Variants in TTC7B observed in about 807,000 individuals in gnomAD.
TTC7B encodes the protein tetratricopeptide repeat domain 7B.
A neutral mutation model predicts 106.8 loss-of-function variants in TTC7B; 28 were observed. The ratio of observed to expected loss-of-function variants is 0.26; its 90% CI spans 0.19 to 0.36. The LOEUF (loss-of-function observed/expected upper bound fraction) is 0.36. Ranked by LOEUF, TTC7B falls within the 10% of genes least tolerant of loss-of-function variation. TTC7B has a pLI of 1.00. For missense variants in TTC7B, 862 were observed against 1,076.4 expected (o/e 0.80, Z 2.79); for synonymous variants, 405 against 430.6 (o/e 0.94, Z 0.74).
rs1726790729 is a variant in TTC7B, at chr14:90,561,741, TG to T, written c.2310+16364del. On this transcript the variant is annotated intron_variant, in intron 19 of 19. Transcript: ENST00000328459. ...AGAGTGATTTTGCTGAGACCCTTCCTGTGCACGGTGGCTTGGTGGACATCAT... is the reference window on the plus strand; with the variant it reads ...AGAGTGATTTTGCTGAGACCCTTCCTTGCACGGTGGCTTGGTGGACATCAT... Among the ~76,000 whole-genome samples the T allele has an allele frequency of 3.9e-5, 6 of 152,302 alleles. No homozygotes were observed. In the South Asian group the frequency reaches 1.2e-3, roughly 32 times the overall value.
intron 6 of TTC7B, among the ~76,000 whole-genome samples, chr14:90,693,916 G>A (rs1185583043): frequency 6.6e-6 from 1 of 152,164 alleles, no homozygotes; most frequent in Non-Finnish European, 1.5e-5. Context: ...AATGTTCGTA[G>A]CAGCATTACT....
intron 15 of TTC7B, among the ~76,000 whole-genome samples, chr14:90,626,868 C>T (rs990095643): frequency 8.5e-5 from 13 of 152,158 alleles, no homozygotes; most frequent in Admixed American, 5.2e-4. Flanking sequence ...CTCCTAAGCG[C>T]GTCTTCTCTA....
At chr14:90,621,451 C>T (rs907690529) in intron 15 of TTC7B, among the ~76,000 whole-genome samples, 15 of 139,590 alleles carry the variant, frequency 1.1e-4, no homozygotes, top group African/African-American at 3.8e-4. Context: ...TGGGTACGGC[C>T]GGGACAAGTG....
chr14:90,639,399 A>G (rs1023706803), intron 15 of TTC7B, among the ~76,000 whole-genome samples: 1 of 152,222 alleles, frequency 6.6e-6, no homozygotes, highest in African/African-American at 2.4e-5. Flanking sequence ...TACACTTCAC[A>G]AAAGAGAAAA....
intron 19 of TTC7B, among the ~76,000 whole-genome samples, chr14:90,555,208 T>A (rs1339716294): frequency 6.6e-6 from 1 of 152,152 alleles, no homozygotes; most frequent in African/African-American, 2.4e-5. Flanking sequence ...CAGCTGACCC[T>A]GGACCCCACG....
intron 9 of TTC7B, among the ~76,000 whole-genome samples, chr14:90,665,060 G>C (rs1886357714): frequency 6.6e-6 from 1 of 152,136 alleles, no homozygotes; most frequent in Non-Finnish European, 1.5e-5. Context: ...TCCAGCAGAG[G>C]GATGGCAGTG....
At chr14:90,717,167 G>A (rs1175554905) in intron 5 of TTC7B, among the ~76,000 whole-genome samples, 1 of 152,036 alleles carries the variant, frequency 6.6e-6, no homozygotes, top group Non-Finnish European at 1.5e-5. Context: ...GTGAAACCCT[G>A]TCTCTACTAA....
At chr14:90,788,143 G>A (rs943092927) in intron 1 of TTC7B, among the ~76,000 whole-genome samples, 4 of 152,138 alleles carry the variant, frequency 2.6e-5, no homozygotes, top group Non-Finnish European at 2.9e-5. Context: ...CAGCCTGGGC[G>A]ACAGAGTGGG....
In TTC7B at chr14:90,805,736, A is replaced by C. The variant is rs974732623; in HGVS notation, c.121+10439T>G. Among the ~76,000 whole-genome samples the C allele has an allele frequency of 2.0e-5, 3 of 152,242 alleles. No individual in the cohort carries two copies. Among genetic ancestry groups the C allele is most frequent in the Admixed American group, 2.0e-4 (3 of 15,288 alleles). On this transcript the variant is annotated intron_variant, in intron 1 of 19. Transcript: ENST00000328459. The surrounding 1 kb of genome is among the most constrained non-coding windows in gnomAD (Gnocchi z 4.0). ...TAAAGCCTGAAGCCGAATAGAGACCACTAGTGAGACTCTCATCAAAGAGAT... is the reference window on the plus strand; with the variant it reads ...TAAAGCCTGAAGCCGAATAGAGACCCCTAGTGAGACTCTCATCAAAGAGAT...
chr14:90,580,644 C>T (rs1281589564), intron 18 of TTC7B, among the ~76,000 whole-genome samples: 1 of 152,236 alleles, frequency 6.6e-6, no homozygotes, highest in African/African-American at 2.4e-5. Flanking sequence ...GTGTCCCTGT[C>T]TCCACACTTG....
chr14:90,731,179 C>A (rs1240952192), intron 4 of TTC7B, among the ~76,000 whole-genome samples: 4 of 152,098 alleles, frequency 2.6e-5, no homozygotes, highest in African/African-American at 9.7e-5. Context: ...TCTCGATCTC[C>A]TGACCTTGTG....
Position 90,740,494 on chromosome 14 carries a change from CTTTTTT to C in TTC7B, c.576+4292_576+4297del, listed in dbSNP as rs71461924. Among the ~76,000 whole-genome samples the C allele has an allele frequency of 7.7e-5, 6 of 78,340 alleles. No homozygotes were observed. In the Admixed American group the frequency reaches 1.2e-3, roughly 16 times the overall value. The allele number at this position is 78,340 out of a possible 152,430, so 51.4% of individuals were successfully genotyped here. On this transcript the variant is annotated intron_variant, in intron 4 of 19. Transcript: ENST00000328459. ...TAAACATTCCCCTGAAATTCTTTGACTTTTTTTTTTTTTTTTTTTTTTTTTGAGATG... is the reference window on the plus strand; with the variant it reads ...TAAACATTCCCCTGAAATTCTTTGACTTTTTTTTTTTTTTTTTTTGAGATG...
At chr14:90,611,480 T>C (rs1203918420) in intron 16 of TTC7B, among the ~76,000 whole-genome samples, 1 of 152,182 alleles carries the variant, frequency 6.6e-6, no homozygotes, top group East Asian at 1.9e-4. Context: ...CCCCAGAATG[T>C]AGGCCTTTGT....
chr14:90,815,334 T>G (rs771324153), intron 1 of TTC7B, among the ~76,000 whole-genome samples: 2 of 152,280 alleles, frequency 1.3e-5, no homozygotes. Context: ...TGCAATTTTA[T>G]TTGATTGGGT....
rs1457737635 is a variant in TTC7B at position 90,640,393 on chromosome 14, C to G, written c.1751+3655G>C. On this transcript the variant is annotated intron_variant, in intron 15 of 19. Coordinates refer to ENST00000328459, the MANE Select transcript of TTC7B (RefSeq NM_001010854.2). ...ACCTGTCAGGTGACAGGCAAAAGGACAGGATACAGAGAAAAATCATTGGCA... is the reference window on the plus strand; with the variant it reads ...ACCTGTCAGGTGACAGGCAAAAGGAGAGGATACAGAGAAAAATCATTGGCA... 3.9e-5 allele frequency among the ~76,000 whole-genome samples: 6 copies of G among 152,014 alleles called. No homozygotes were observed. The East Asian group carries it at 1.2e-3, about 29-fold the overall frequency.
At chr14:90,734,930 T>C (rs1024155228) in intron 4 of TTC7B, among the ~76,000 whole-genome samples, 4 of 152,100 alleles carry the variant, frequency 2.6e-5, no homozygotes, top group African/African-American at 9.7e-5. Flanking sequence ...ATTACAGGCA[T>C]GCGCCACCAC....
chr14:90,721,073 C>T (rs1888876841), intron 5 of TTC7B, among the ~76,000 whole-genome samples: 1 of 152,088 alleles, frequency 6.6e-6, no homozygotes. Context: ...GGAACTGTAG[C>T]CTGCCTTCCA....
chr14:90,571,104 G>A (rs1358573408), intron 19 of TTC7B, among the ~76,000 whole-genome samples: 3 of 152,216 alleles, frequency 2.0e-5, no homozygotes, highest in Non-Finnish European at 4.4e-5. Flanking sequence ...GTCCCCATCA[G>A]TAAACAAGAA....
chr14:90,608,088 A>G lies in TTC7B; in HGVS notation c.1966+2654T>C, dbSNP rs1460648327. Among the ~76,000 whole-genome samples the G allele has an allele frequency of 6.6e-6, 1 of 152,188 alleles. No individual in the cohort carries two copies. Among genetic ancestry groups the G allele is most frequent in the Non-Finnish European group, 1.5e-5 (1 of 68,044 alleles). On this transcript the variant is annotated intron_variant, in intron 17 of 19. Coordinates refer to ENST00000328459, the MANE Select transcript of TTC7B (RefSeq NM_001010854.2). The surrounding 1 kb of genome is among the most constrained non-coding windows in gnomAD (Gnocchi z 5.1). ...ACAATCTGTGTTGTGGGTGGTTCGCAAGGCGGGCTCTCCACACAGGTGTGT... is the reference window on the plus strand; with the variant it reads ...ACAATCTGTGTTGTGGGTGGTTCGCGAGGCGGGCTCTCCACACAGGTGTGT...
Sources: gnomAD v4.1 joint callset for allele counts (sites outside exome capture counted in the v4.1 genomes callset) on GRCh38, gnomAD v4.1.1 for gene constraint, Gnocchi (gnomAD v3.1) non-coding constraint, MANE v1.5 for transcripts, NCBI Gene and HGNC (gene_info 2026-07-23, HGNC 2026-07-21) for gene names.